Variants in RPS6KC1 observed in about 807,000 individuals in gnomAD.
RPS6KC1 encodes the protein inactive ribosomal protein S6 kinase delta-1.
A neutral mutation model predicts 103.8 loss-of-function variants in RPS6KC1; 54 were observed. That is an observed-to-expected ratio of 0.52 (90% CI 0.42 to 0.65). The LOEUF (loss-of-function observed/expected upper bound fraction) is 0.65. Ranked by LOEUF, RPS6KC1 falls within the 30% of genes least tolerant of loss-of-function variation. RPS6KC1 has a pLI of 0.00. For missense variants in RPS6KC1, 1,151 were observed against 1,253.8 expected (o/e 0.92, Z 1.24); for synonymous variants, 439 against 438.7 (o/e 1.00, Z -0.01).
chr1:213,548,586 G>A, the RPS6KC1 span, among the ~76,000 whole-genome samples: 4 of 152,146 alleles, frequency 2.6e-5, no homozygotes, highest in Non-Finnish European at 4.4e-5. Flanking sequence ...GCTTGAACCT[G>A]GGAGGCAGAG....
At chr1:213,467,013 CT>C in the RPS6KC1 span, among the ~76,000 whole-genome samples, 669 of 143,632 alleles carry the variant, frequency 4.7e-3, 3 homozygotes, top group African/African-American at 7.5e-3. Context: ...ATCTACCAAT[CT>C]TTTTTTTTTT....
At chr1:213,055,050 A>G in intron 1 of RPS6KC1, among the ~76,000 whole-genome samples, 1 of 152,254 alleles carries the variant, frequency 6.6e-6, no homozygotes, top group South Asian at 2.1e-4. Flanking sequence ...CTCAAAAGAC[A>G]GTGCTGTATT....
At chr1:213,159,719 C>T (rs142583547) in intron 6 of RPS6KC1, among the ~76,000 whole-genome samples, 16 of 152,262 alleles carry the variant, frequency 1.1e-4, no homozygotes, top group African/African-American at 3.4e-4. Flanking sequence ...CACAGCTGCT[C>T]TATAGCAAAA....
At chr1:213,451,325 G>T in the RPS6KC1 span, among the ~76,000 whole-genome samples, 7 of 152,238 alleles carry the variant, frequency 4.6e-5, no homozygotes, top group Non-Finnish European at 1.0e-4. Context: ...TGGATTCTCA[G>T]TGAATATGAG....
intron 6 of RPS6KC1, among the ~76,000 whole-genome samples, chr1:213,156,177 A>G (rs545597477): frequency 1.3e-5 from 2 of 152,336 alleles, no homozygotes; most frequent in East Asian, 3.9e-4. Context: ...ACAAAAGACC[A>G]AACTGAACTT....
chr1:213,158,172 A>G (rs948913238), intron 6 of RPS6KC1, among the ~76,000 whole-genome samples: 1 of 152,192 alleles, frequency 6.6e-6, no homozygotes, highest in Non-Finnish European at 1.5e-5. Context: ...ATGTTTGACA[A>G]TGTATAGAAT....
the RPS6KC1 span, among the ~76,000 whole-genome samples, chr1:213,498,772 A>ATT: frequency 2.7e-5 from 3 of 112,022 alleles, no homozygotes; most frequent in Admixed American, 9.8e-5. Flanking sequence ...GTTTTCTAAG[A>ATT]TTTTTTTTTT....
the RPS6KC1 span, among the ~76,000 whole-genome samples, chr1:213,495,462 C>T: frequency 6.6e-6 from 1 of 152,184 alleles, no homozygotes. Flanking sequence ...GCTGGGATTA[C>T]AGGTGCATGC....
At chr1:213,138,101 C>A (rs2086593451) in intron 6 of RPS6KC1, among the ~76,000 whole-genome samples, 1 of 151,862 alleles carries the variant, frequency 6.6e-6, no homozygotes, top group South Asian at 2.1e-4. Context: ...CCTCTAGGCC[C>A]AAGAGTTCAC....
the RPS6KC1 span, among the ~76,000 whole-genome samples, chr1:213,567,046 A>G: frequency 6.6e-6 from 1 of 152,198 alleles, no homozygotes; most frequent in South Asian, 2.1e-4. Context: ...TTCCCTTCAG[A>G]GAAATTTTTT....
At chr1:213,445,381 A>T in the RPS6KC1 span, among the ~76,000 whole-genome samples, 3 of 152,096 alleles carry the variant, frequency 2.0e-5, no homozygotes, top group African/African-American at 7.2e-5. Flanking sequence ...TGGTGACTTT[A>T]TTTTTAAGAA....
At chr1:213,435,481 C>A in the RPS6KC1 span, among the ~76,000 whole-genome samples, 1 of 152,056 alleles carries the variant, frequency 6.6e-6, no homozygotes, top group Non-Finnish European at 1.5e-5. Context: ...TATTCTTAGA[C>A]TTTGTTTGGG....
At chr1:213,771,957 T>A in the RPS6KC1 span, among the ~76,000 whole-genome samples, 1 of 152,172 alleles carries the variant, frequency 6.6e-6, no homozygotes, top group Non-Finnish European at 1.5e-5. Context: ...GGGGGTCGCT[T>A]TCTTGATGAG....
chr1:213,225,017 T>C (rs984533008), intron 8 of RPS6KC1, among the ~76,000 whole-genome samples: 17 of 152,080 alleles, frequency 1.1e-4, no homozygotes, highest in African/African-American at 4.1e-4. Context: ...GGAGTGCTGG[T>C]GTGTTAAGAA....
At chr1:213,216,921 A>G (rs2148726719) in intron 8 of RPS6KC1, among the ~76,000 whole-genome samples, 1 of 152,218 alleles carries the variant, frequency 6.6e-6, no homozygotes, top group African/African-American at 2.4e-5. Context: ...AGAAAGCAGG[A>G]AAGATCTAAA....
the RPS6KC1 span, among the ~76,000 whole-genome samples, chr1:213,411,092 G>A: frequency 6.6e-5 from 10 of 152,158 alleles, no homozygotes; most frequent in Admixed American, 2.6e-4. Flanking sequence ...GTTAGAGCAC[G>A]CAGCCTTCAT....
the RPS6KC1 span, among the ~76,000 whole-genome samples, chr1:213,709,255 G>T: frequency 6.6e-6 from 1 of 151,994 alleles, no homozygotes; most frequent in Non-Finnish European, 1.5e-5. Flanking sequence ...TCGGGGATTC[G>T]ACTTCTTCCT....
At chr1:213,063,785 A>G (rs2078051174) in intron 1 of RPS6KC1, among the ~76,000 whole-genome samples, 1 of 152,218 alleles carries the variant, frequency 6.6e-6, no homozygotes, top group South Asian at 2.1e-4. Flanking sequence ...ATTCCTTCTT[A>G]AAAAGAGGTA....
In RPS6KC1 at chr1:213,236,808, G is replaced by C. The variant is rs2094231456; in HGVS notation, c.1226-3894G>C. ...CTGTGGATATACAAAACAGAAAGGA[G>C]GTAGAAAAGAATTTCTCTCCAAGTT... On this transcript the variant is annotated intron_variant, in intron 10 of 14. Coordinates refer to ENST00000366960, the MANE Select transcript of RPS6KC1 (RefSeq NM_012424.6). 2.6e-5 allele frequency among the ~76,000 whole-genome samples: 4 copies of C among 151,856 alleles called. No homozygotes were observed. The South Asian group carries it at 8.3e-4, about 31-fold the overall frequency.
Sources: allele counts gnomAD v4.1 joint callset (sites outside exome capture counted in the v4.1 genomes callset), GRCh38; gene constraint gnomAD v4.1.1; transcripts MANE v1.5; gene names NCBI Gene and HGNC (gene_info 2026-07-23, HGNC 2026-07-21).